WIPF2: variants seen among roughly 807,000 people sequenced by gnomAD.
WIPF2 encodes WAS/WASL interacting protein family member 2.
A neutral mutation model predicts 38.8 loss-of-function variants in WIPF2; 23 were observed. The ratio of observed to expected loss-of-function variants is 0.59; its 90% CI spans 0.43 to 0.84. WIPF2 has a LOEUF of 0.84. WIPF2 is among the 40% of genes least tolerant of loss of function. The probability of loss-of-function intolerance (pLI) is 0.00; values close to 1 mark genes in which losing one functional copy is unlikely to be tolerated. For missense variants in WIPF2, 574 were observed against 580.5 expected, an observed-to-expected ratio of 0.99 and a Z score of 0.11; for synonymous variants, 210 against 223.2, an observed-to-expected ratio of 0.94 and a Z score of 0.53.
rs946041420 is a variant in WIPF2, at chr17:40,219,336, C to T, written c.-226C>T. On this transcript the variant is annotated 5_prime_UTR_variant, in exon 1 of 8. Coordinates refer to ENST00000323571, the MANE Select transcript of WIPF2 (RefSeq NM_133264.5). Reference sequence around the variant, plus strand: ...TCGCGGACGCTGGGGACGGTGGGAGCAGATCCATTTCCGGGTTGGCAAAAG... The same window carrying T: ...TCGCGGACGCTGGGGACGGTGGGAGTAGATCCATTTCCGGGTTGGCAAAAG... The T allele has an allele frequency of 2.7e-6, 1 of 364,674 alleles. No homozygotes were observed. Among genetic ancestry groups the T allele is most frequent in the Non-Finnish European group, 5.2e-6 (1 of 192,996 alleles). The allele number at this position is 364,674 out of a possible 1,614,324, so 22.6% of individuals were successfully genotyped here.
At chr17:40,265,947 T>C (rs1281317730) in intron 5 of WIPF2, among the ~76,000 whole-genome samples, 3 of 152,058 alleles carry the variant, frequency 2.0e-5, no homozygotes, top group African/African-American at 7.2e-5. Context: ...AAGATAGGTG[T>C]TCAGTTTGAG....
Position 40,281,404 on chromosome 17 carries a change from C to T in WIPF2, c.*3179C>T, listed in dbSNP as rs912270737. ...TCTGGTCACTGAACCTGGACCAAAG[C>T]ACTTTGATATTCCAGGTGTGATTTT... On this transcript the variant is annotated 3_prime_UTR_variant, in exon 8 of 8. Transcript: ENST00000323571. 4 of 152,200 alleles carry T rather than the reference C, an allele frequency of 2.6e-5. No individual in the cohort carries two copies. The highest frequency in any genetic ancestry group is 4.8e-5 in the African/African-American group (2 of 41,430). The allele number at this position is 152,200 out of a possible 1,614,324, so 9.4% of individuals were successfully genotyped here.
At chr17:40,253,473 T>C (rs2031624222) in intron 1 of WIPF2, among the ~76,000 whole-genome samples, 1 of 152,220 alleles carries the variant, frequency 6.6e-6, no homozygotes, top group South Asian at 2.1e-4. Context: ...TTTTGTTTGT[T>C]GGTTTTTCTA....
intron 2 of WIPF2, 89 bp from the exon 3 acceptor site, chr17:40,260,446 C>G (rs970130882): frequency 1.3e-6 from 2 of 1,517,596 alleles, no homozygotes; most frequent in African/African-American, 2.8e-5. Flanking sequence ...CTTGGCCTCC[C>G]AAAGTGTTGG....
intron 1 of WIPF2, among the ~76,000 whole-genome samples, chr17:40,249,331 T>G (rs568685075): frequency 2.8e-4 from 43 of 152,260 alleles, no homozygotes; most frequent in African/African-American, 1.0e-3. Context: ...AGGGTAGTAG[T>G]TGGTGTCTTT....
chr17:40,271,891 G>C (rs746677779), intron 5 of WIPF2, among the ~76,000 whole-genome samples: 1 of 152,116 alleles, frequency 6.6e-6, no homozygotes, highest in African/African-American at 2.4e-5. Context: ...TTATATTCCA[G>C]TCATATTGCC....
At position 40,256,193 on chromosome 17, in the gene WIPF2, A is replaced by G. The variant is rs181457780; in HGVS notation, c.-69-198A>G. On this transcript the variant is annotated intron_variant, in intron 1 of 7. Coordinates refer to ENST00000323571, the MANE Select transcript of WIPF2 (RefSeq NM_133264.5). ...CAAGTAAGCATATGAAAAGATGTTC[A>G]GCATCATAAGTCATTAGGAAATTGC... Among the ~76,000 whole-genome samples, 608 of 152,198 alleles carry G rather than the reference A, an allele frequency of 4.0e-3. 3 individuals carry two copies. The highest frequency in any genetic ancestry group is 0.014 in the African/African-American group (580 of 41,520).
intron 5 of WIPF2, among the ~76,000 whole-genome samples, chr17:40,268,366 C>A (rs1203010587): frequency 6.6e-6 from 1 of 152,086 alleles, no homozygotes; most frequent in Non-Finnish European, 1.5e-5. Flanking sequence ...CTATAAAGTT[C>A]AGGTTTGACT....
At chr17:40,257,712 C>T (rs1461485086) in intron 2 of WIPF2, among the ~76,000 whole-genome samples, 1 of 141,950 alleles carries the variant, frequency 7.0e-6, no homozygotes, top group Non-Finnish European at 1.5e-5. Flanking sequence ...TGCCGCACTC[C>T]AGCCTGGGCG....
intron 1 of WIPF2, among the ~76,000 whole-genome samples, chr17:40,231,760 C>G (rs2030748864): frequency 6.6e-6 from 1 of 151,620 alleles, no homozygotes; most frequent in Non-Finnish European, 1.5e-5. Context: ...GCAGATGAAG[C>G]CTGGCTCTTG....
chr17:40,257,586 G>A (rs1346798489), intron 2 of WIPF2, among the ~76,000 whole-genome samples: 1 of 151,700 alleles, frequency 6.6e-6, no homozygotes, highest in Non-Finnish European at 1.5e-5. Flanking sequence ...GCTGAGGTGG[G>A]TGGATTGCTT....
intron 5 of WIPF2, among the ~76,000 whole-genome samples, chr17:40,269,925 A>G (rs1316132910): frequency 1.3e-4 from 20 of 151,780 alleles, no homozygotes; most frequent in Admixed American, 1.3e-3. Context: ...TTTTTAAGGG[A>G]ATTTGAGAAA....
chr17:40,262,669 T>A, intron 4 of WIPF2, 28 bp downstream of exon 4: 1 of 1,567,868 alleles, frequency 6.4e-7, no homozygotes, highest in Non-Finnish European at 8.8e-7. Flanking sequence ...TCCCAGGGTA[T>A]TTCCCTGGTG....
At chr17:40,271,579 T>TTGGGAAGA (rs1468119481) in intron 5 of WIPF2, among the ~76,000 whole-genome samples, 4 of 151,682 alleles carry the variant, frequency 2.6e-5, no homozygotes, top group African/African-American at 7.3e-5. Flanking sequence ...GTAAATCTGG[T>TTGGGAAGA]TGGGAAGATA....
At chr17:40,266,492 A>G (rs1329002968) in intron 5 of WIPF2, among the ~76,000 whole-genome samples, 1 of 152,158 alleles carries the variant, frequency 6.6e-6, no homozygotes, top group African/African-American at 2.4e-5. Context: ...GAGTAGTTTC[A>G]GTGGAGTGGT....
intron 4 of WIPF2, among the ~76,000 whole-genome samples, chr17:40,263,663 C>T (rs181029391): frequency 1.8e-3 from 274 of 151,276 alleles, no homozygotes; most frequent in African/African-American, 6.4e-3. Flanking sequence ...CTGCCTCAGC[C>T]TCCCAAGTAG....
At chr17:40,270,470 C>CA (rs2032217821) in intron 5 of WIPF2, among the ~76,000 whole-genome samples, 1 of 152,008 alleles carries the variant, frequency 6.6e-6, no homozygotes, top group African/African-American at 2.4e-5. Flanking sequence ...CTGGAGAAGC[C>CA]AAACAGATCA....
chr17:40,230,085 A>G (rs1236402568), intron 1 of WIPF2, among the ~76,000 whole-genome samples: 1 of 152,148 alleles, frequency 6.6e-6, no homozygotes, highest in African/African-American at 2.4e-5. Context: ...TGCCTGTAAT[A>G]CCAACACTTT....
At chr17:40,235,564 T>A (rs1314002516) in intron 1 of WIPF2, among the ~76,000 whole-genome samples, 1 of 147,606 alleles carries the variant, frequency 6.8e-6, no homozygotes, top group Non-Finnish European at 1.5e-5. Context: ...CTTTGGAGAG[T>A]GAGACTTTTT....
Sources: gnomAD v4.1 joint callset for allele counts (sites outside exome capture counted in the v4.1 genomes callset) on GRCh38, gnomAD v4.1.1 for gene constraint, MANE v1.5 for transcripts, NCBI Gene and HGNC (gene_info 2026-07-23, HGNC 2026-07-21) for gene names.